Variants in CSNK1G3 observed in about 807,000 individuals in gnomAD.
CSNK1G3 encodes casein kinase I isoform gamma-3.
A neutral mutation model predicts 64.3 loss-of-function variants in CSNK1G3; 23 were observed. The ratio of observed to expected loss-of-function variants is 0.36; its 90% confidence interval spans 0.26 to 0.51. The LOEUF is 0.51. Ranked by LOEUF, CSNK1G3 falls within the 20% of genes least tolerant of loss-of-function variation. CSNK1G3 has a pLI of 0.96. For missense variants in CSNK1G3, 357 were observed against 510.5 expected (o/e 0.70, Z 2.90); for synonymous variants, 158 against 162.2 (o/e 0.97, Z 0.20).
intron 6 of CSNK1G3, among the ~76,000 whole-genome samples, chr5:123,581,739 A>G (rs1164761735): frequency 6.6e-6 from 1 of 151,668 alleles, no homozygotes; most frequent in Admixed American, 6.6e-5. Context: ...TATAATTTTG[A>G]AAACTGAGCT....
At chr5:123,580,146 C>G (rs1789969391) in intron 6 of CSNK1G3, among the ~76,000 whole-genome samples, 1 of 151,936 alleles carries the variant, frequency 6.6e-6, no homozygotes, top group African/African-American at 2.4e-5. Context: ...TATCTTATTT[C>G]TGCCCTCCCT....
chr5:123,537,484 A>G (rs567454873), intron 1 of CSNK1G3, among the ~76,000 whole-genome samples: 2 of 152,184 alleles, frequency 1.3e-5, no homozygotes, highest in South Asian at 2.1e-4. Flanking sequence ...CACAATGTAC[A>G]TGTTTTGGGT....
At chr5:123,551,050 C>A (rs1259279357) in intron 2 of CSNK1G3, among the ~76,000 whole-genome samples, 1 of 152,094 alleles carries the variant, frequency 6.6e-6, no homozygotes, top group African/African-American at 2.4e-5. Flanking sequence ...TATTTTGATT[C>A]TTTGAGATCT....
intron 4 of CSNK1G3, among the ~76,000 whole-genome samples, chr5:123,570,647 C>T (rs548128775): frequency 5.9e-5 from 9 of 152,222 alleles, no homozygotes; most frequent in South Asian, 2.1e-4. Flanking sequence ...TGAGCTACCG[C>T]GCCCAGCCGA....
At chr5:123,530,539 T>C (rs71594348) in intron 1 of CSNK1G3, among the ~76,000 whole-genome samples, 4 of 152,296 alleles carry the variant, frequency 2.6e-5, no homozygotes, top group South Asian at 2.1e-4. Context: ...ATATGTACTT[T>C]CCATTTTCTT....
intron 4 of CSNK1G3, among the ~76,000 whole-genome samples, chr5:123,566,103 C>A (rs1426398109): frequency 2.0e-5 from 3 of 152,096 alleles, no homozygotes; most frequent in African/African-American, 7.2e-5. Context: ...CTGTAAGGAA[C>A]TGAAGTATTT....
intron 10 of CSNK1G3, among the ~76,000 whole-genome samples, chr5:123,594,107 A>G (rs1792963778): frequency 6.6e-6 from 1 of 152,152 alleles, no homozygotes; most frequent in Non-Finnish European, 1.5e-5. Context: ...CATCAGTAAA[A>G]GTGGATGATA....
chr5:123,614,561 T>A, exon 13 of CSNK1G3: 1 of 238,022 alleles, frequency 4.2e-6, no homozygotes. Flanking sequence ...ATTCTTTTTC[T>A]TTTTTTTTTT....
chr5:123,564,927 T>C lies in CSNK1G3; in HGVS notation c.289+7363T>C, dbSNP rs548207726. Among the ~76,000 whole-genome samples, 7 of 152,300 alleles carry C rather than the reference T, an allele frequency of 4.6e-5. No homozygotes were observed. The South Asian group carries it at 1.4e-3, about 32-fold the overall frequency. On this transcript the variant is annotated intron_variant, in intron 4 of 12. Transcript: ENST00000345990. Reference sequence around the variant, plus strand: ...TAAACTTTCGGGTCTCAGGATTCTTTTATGCTCTTACCCTTTTTGAGTATC... The same window carrying C: ...TAAACTTTCGGGTCTCAGGATTCTTCTATGCTCTTACCCTTTTTGAGTATC...
intron 4 of CSNK1G3, among the ~76,000 whole-genome samples, chr5:123,559,356 G>A (rs896515188): frequency 2.0e-5 from 3 of 152,088 alleles, no homozygotes; most frequent in Non-Finnish European, 2.9e-5. Context: ...TTAGAGTTTA[G>A]CAAGTCATTG....
intron 4 of CSNK1G3, among the ~76,000 whole-genome samples, chr5:123,563,839 T>TA (rs1561528777): frequency 6.6e-6 from 1 of 152,070 alleles, no homozygotes; most frequent in Non-Finnish European, 1.5e-5. Flanking sequence ...AATAAATACT[T>TA]AGACTATTGC....
chr5:123,536,823 G>C (rs1445169979), intron 1 of CSNK1G3, among the ~76,000 whole-genome samples: 1 of 151,976 alleles, frequency 6.6e-6, no homozygotes, highest in Non-Finnish European at 1.5e-5. Context: ...ATGGCCAATG[G>C]CATAATAAAA....
chr5:123,554,197 A>T (rs747871520), intron 3 of CSNK1G3, among the ~76,000 whole-genome samples: 1 of 152,236 alleles, frequency 6.6e-6, no homozygotes, highest in South Asian at 2.1e-4. Context: ...GTAGGGTTGC[A>T]GTGCCATGAA....
At chr5:123,565,123 A>G (rs1786587008) in intron 4 of CSNK1G3, among the ~76,000 whole-genome samples, 1 of 152,228 alleles carries the variant, frequency 6.6e-6, no homozygotes, top group African/African-American at 2.4e-5. Flanking sequence ...AAAAATGAGA[A>G]AAGTAACATT....
At chr5:123,594,308 G>A (rs1450438061) in intron 10 of CSNK1G3, among the ~76,000 whole-genome samples, 1 of 152,084 alleles carries the variant, frequency 6.6e-6, no homozygotes, top group Non-Finnish European at 1.5e-5. Context: ...TTATTGCCAT[G>A]CATATTTGCC....
chr5:123,607,953 T>C (rs1484800415), intron 12 of CSNK1G3, among the ~76,000 whole-genome samples: 1 of 152,164 alleles, frequency 6.6e-6, no homozygotes, highest in African/African-American at 2.4e-5. Context: ...CTAAGAAATT[T>C]GAGCATGATT....
chr5:123,556,745 A>G (rs1172084602), intron 3 of CSNK1G3, among the ~76,000 whole-genome samples: 1 of 148,286 alleles, frequency 6.7e-6, no homozygotes, highest in East Asian at 1.9e-4. Context: ...TCTAAAACCC[A>G]TGTTTCCTCT....
At chr5:123,606,014 T>TTA (rs1449781195) in intron 12 of CSNK1G3, among the ~76,000 whole-genome samples, 3 of 152,172 alleles carry the variant, frequency 2.0e-5, no homozygotes, top group Non-Finnish European at 4.4e-5. Context: ...GGACAAATTT[T>TTA]GAGTCAGACT....
chr5:123,551,442 C>T (rs1783623899), intron 2 of CSNK1G3, among the ~76,000 whole-genome samples: 1 of 152,164 alleles, frequency 6.6e-6, no homozygotes, highest in Non-Finnish European at 1.5e-5. Flanking sequence ...ACTTTTGGAA[C>T]TTCTGTTGAG....
Sources: allele counts gnomAD v4.1 joint callset (sites outside exome capture counted in the v4.1 genomes callset), GRCh38; gene constraint gnomAD v4.1.1; transcripts MANE v1.5; gene names NCBI Gene and HGNC (gene_info 2026-07-23, HGNC 2026-07-21).